Variants in CAST observed in about 807,000 individuals in gnomAD.
CAST encodes MIR583 host.
Under a neutral mutation model 119.6 loss-of-function variants are expected in CAST, and 76 were observed. That is an observed-to-expected ratio of 0.64 (90% CI 0.53 to 0.77). CAST has a LOEUF of 0.77. Ranked by LOEUF, CAST falls within the 30% of genes least tolerant of loss-of-function variation. The pLI, the probability that CAST is intolerant of heterozygous loss-of-function variation, is 0.00. For synonymous variants in CAST, 319 were observed against 331.6 expected (o/e 0.96, Z 0.41); for missense variants, 953 against 946.5 (o/e 1.01, Z -0.09).
chr5:96,428,478 G>T, the CAST span, among the ~76,000 whole-genome samples: 1 of 152,158 alleles, frequency 6.6e-6, no homozygotes, highest in African/African-American at 2.4e-5. Context: ...TAATATGTTT[G>T]TTGACCTTGA....
intron 1 of CAST, among the ~76,000 whole-genome samples, chr5:96,534,859 GGGAA>G (rs1326804708): frequency 1.9e-5 from 2 of 103,880 alleles, no homozygotes; most frequent in Non-Finnish European, 4.1e-5. Flanking sequence ...GAGGGAGGGA[GGGAA>G]GGAAGGAGAA....
At chr5:96,229,748 G>A in the CAST span, among the ~76,000 whole-genome samples, 1 of 152,038 alleles carries the variant, frequency 6.6e-6, no homozygotes, top group African/African-American at 2.4e-5. Flanking sequence ...TCTGAATTAG[G>A]AGACATTTCT....
rs112851383 is a variant in CAST, at chr5:96,762,433, A to G, written c.1932+61A>G. ...TTGCGCAGCCACAACTAGAAAGAAA[A>G]TAGGGCGCCTGTTTAAAGCAAATGA... On this transcript the variant is annotated intron_variant, in intron 25 of 31. Coordinates refer to ENST00000675179, the MANE Select transcript of CAST (RefSeq NM_001750.7). 1,038 of 1,227,468 alleles carry G rather than the reference A, an allele frequency of 8.5e-4. 1 individual carries two copies. The highest frequency in any genetic ancestry group is 1.0e-3 in the Non-Finnish European group (883 of 875,754). The allele number at this position is 1,227,468 out of a possible 1,614,324, so 76.0% of individuals were successfully genotyped here. A position where few individuals can be genotyped will look rare whatever the true frequency, so the allele number is the denominator to read the frequency against.
chr5:96,566,769 C>T (rs1746476302), intron 1 of CAST, among the ~76,000 whole-genome samples: 1 of 152,180 alleles, frequency 6.6e-6, no homozygotes, highest in South Asian at 2.1e-4. Flanking sequence ...GAAACCAGCA[C>T]ATTGATGATA....
At chr5:96,187,852 G>A in the CAST span, among the ~76,000 whole-genome samples, 9 of 152,200 alleles carry the variant, frequency 5.9e-5, no homozygotes, top group African/African-American at 1.7e-4. Flanking sequence ...ACTGACTGTG[G>A]TGATGGTAGA....
chr5:96,477,525 C>A, the CAST span, among the ~76,000 whole-genome samples: 1 of 152,196 alleles, frequency 6.6e-6, no homozygotes, highest in Admixed American at 6.5e-5. Flanking sequence ...ATTACTCTTA[C>A]CACAGTCACC....
At chr5:96,300,577 ATT>A in the CAST span, among the ~76,000 whole-genome samples, 6 of 146,684 alleles carry the variant, frequency 4.1e-5, no homozygotes, top group Middle Eastern at 3.5e-3. Flanking sequence ...TGCCTTTGCT[ATT>A]TTTTTTTTTG....
chr5:96,690,172 T>C (rs1284788988), intron 2 of CAST, among the ~76,000 whole-genome samples: 1 of 152,156 alleles, frequency 6.6e-6, no homozygotes, highest in Non-Finnish European at 1.5e-5. Context: ...GTGCTCACCA[T>C]AGTGGGTGTT....
chr5:96,223,289 CAAAT>C, the CAST span, among the ~76,000 whole-genome samples: 43 of 152,078 alleles, frequency 2.8e-4, no homozygotes, highest in African/African-American at 9.2e-4. Context: ...GTTACCAACA[CAAAT>C]AAATATTAAA....
At chr5:96,617,598 G>C (rs1259992565) in intron 1 of CAST, among the ~76,000 whole-genome samples, 5 of 151,560 alleles carry the variant, frequency 3.3e-5, no homozygotes, top group African/African-American at 1.2e-4. Flanking sequence ...GACCATCCTG[G>C]CTAACACAGT....
intron 1 of CAST, among the ~76,000 whole-genome samples, chr5:96,603,225 C>T (rs1454582649): frequency 6.6e-6 from 1 of 152,140 alleles, no homozygotes; most frequent in African/African-American, 2.4e-5. Context: ...TGGGAATACC[C>T]ATGCTATAGT....
intron 1 of CAST, among the ~76,000 whole-genome samples, chr5:96,561,737 A>T (rs1227476863): frequency 2.7e-5 from 4 of 150,350 alleles, no homozygotes; most frequent in Non-Finnish European, 5.9e-5. Flanking sequence ...TAAAAACATG[A>T]GAAGGATATA....
chr5:96,053,591 C>T, the CAST span, among the ~76,000 whole-genome samples: 12 of 152,088 alleles, frequency 7.9e-5, no homozygotes, highest in East Asian at 1.9e-4. Flanking sequence ...TTTAAAAAAT[C>T]GGTAAACCAA....
At chr5:96,537,991 T>G (rs2150179165) in intron 1 of CAST, among the ~76,000 whole-genome samples, 1 of 152,334 alleles carries the variant, frequency 6.6e-6, no homozygotes, top group South Asian at 2.1e-4. Context: ...CTCTTTCACT[T>G]GGCCTCATTC....
At chr5:96,641,912 A>C (rs1409891847) in intron 1 of CAST, among the ~76,000 whole-genome samples, 1 of 152,218 alleles carries the variant, frequency 6.6e-6, no homozygotes, top group East Asian at 1.9e-4. Context: ...TCAATCCTAA[A>C]TGCAGTCTGT....
At chr5:96,244,236 A>G in the CAST span, among the ~76,000 whole-genome samples, 62 of 152,310 alleles carry the variant, frequency 4.1e-4, no homozygotes, top group Non-Finnish European at 7.6e-4. Context: ...ATGACTTTCT[A>G]TTTATTGAGA....
chr5:96,210,872 A>G, the CAST span, among the ~76,000 whole-genome samples: 1 of 151,940 alleles, frequency 6.6e-6, no homozygotes, highest in African/African-American at 2.4e-5. Context: ...TGTAACTTTC[A>G]GCACATAAAT....
At chr5:96,289,991 C>T in the CAST span, among the ~76,000 whole-genome samples, 1 of 151,270 alleles carries the variant, frequency 6.6e-6, no homozygotes, top group Non-Finnish European at 1.5e-5. Context: ...TTGAGTCATC[C>T]AATTGTTTTG....
the CAST span, among the ~76,000 whole-genome samples, chr5:96,252,809 A>T: frequency 2.0e-5 from 3 of 152,178 alleles, no homozygotes; most frequent in African/African-American, 7.2e-5. Context: ...TGCATTGCAG[A>T]TCTGAACTAT....
Sources: gnomAD v4.1 joint callset for allele counts (sites outside exome capture counted in the v4.1 genomes callset) on GRCh38, gnomAD v4.1.1 for gene constraint, MANE v1.5 for transcripts, NCBI Gene and HGNC (gene_info 2026-07-23, HGNC 2026-07-21) for gene names.